GPM6A: variants seen among roughly 807,000 people sequenced by gnomAD.
GPM6A encodes the protein neuronal membrane glycoprotein M6-a.
A neutral mutation model predicts 32.1 loss-of-function variants in GPM6A; 7 were observed. The ratio of observed to expected loss-of-function variants is 0.22; its 90% CI spans 0.12 to 0.41. The LOEUF is 0.41. GPM6A is among the 10% of genes least tolerant of loss of function. The probability of loss-of-function intolerance (pLI) is 1.00; values close to 1 mark genes in which losing one functional copy is unlikely to be tolerated. For synonymous variants in GPM6A, 130 were observed against 123.4 expected, an observed-to-expected ratio of 1.05 and a Z score of -0.35; for missense variants, 235 against 347.2, an observed-to-expected ratio of 0.68 and a Z score of 2.57.
chr4:175,637,713 ATT>A (rs1436525442), intron 6 of GPM6A, among the ~76,000 whole-genome samples: 1 of 2,830 alleles, frequency 3.5e-4, no homozygotes, highest in African/African-American at 1.1e-3. Flanking sequence ...TATTATATAT[ATT>A]TATATATAAT....
intron 1 of GPM6A, among the ~76,000 whole-genome samples, chr4:175,938,437 T>C (rs1000550180): frequency 6.6e-6 from 1 of 152,206 alleles, no homozygotes; most frequent in Non-Finnish European, 1.5e-5. Flanking sequence ...TTTTTAATGA[T>C]CGCCATTCTA....
At chr4:175,931,641 C>T (rs1226925340) in intron 1 of GPM6A, among the ~76,000 whole-genome samples, 2 of 151,028 alleles carry the variant, frequency 1.3e-5, no homozygotes, top group South Asian at 2.1e-4. Flanking sequence ...CTTTAAGAGT[C>T]CATTTCTGAC....
intron 1 of GPM6A, among the ~76,000 whole-genome samples, chr4:175,799,597 T>A (rs922907202): frequency 1.3e-5 from 2 of 151,240 alleles, no homozygotes; most frequent in East Asian, 3.9e-4. Flanking sequence ...AATATTGGAG[T>A]CAAGGAGAAG....
At chr4:175,705,637 G>C (rs927447566) in intron 1 of GPM6A, among the ~76,000 whole-genome samples, 1 of 152,058 alleles carries the variant, frequency 6.6e-6, no homozygotes, top group African/African-American at 2.4e-5. Flanking sequence ...CAGAGCAGCA[G>C]AGTTGTCATA....
At chr4:175,758,520 A>G (rs1560917295) in intron 1 of GPM6A, among the ~76,000 whole-genome samples, 2 of 152,186 alleles carry the variant, frequency 1.3e-5, no homozygotes, top group African/African-American at 2.4e-5. Flanking sequence ...CACTGCCTAA[A>G]TGTGGAGTGT....
chr4:175,726,687 A>G (rs1746426425), intron 1 of GPM6A, among the ~76,000 whole-genome samples: 1 of 152,208 alleles, frequency 6.6e-6, no homozygotes, highest in African/African-American at 2.4e-5. Flanking sequence ...AAAGACACAA[A>G]AACTAAAATG....
intron 1 of GPM6A, among the ~76,000 whole-genome samples, chr4:175,719,332 G>A (rs965443238): frequency 6.6e-6 from 1 of 151,896 alleles, no homozygotes; most frequent in East Asian, 1.9e-4. Context: ...CCGAGTAGCT[G>A]GGACTACAGG....
chr4:175,768,962 G>A (rs1018457979), intron 1 of GPM6A, among the ~76,000 whole-genome samples: 3 of 152,036 alleles, frequency 2.0e-5, no homozygotes, highest in African/African-American at 2.4e-5. Flanking sequence ...GGGCGTGGTG[G>A]TGGGCGCCTG....
chr4:176,002,349 G>A, upstream of GPM6A: 2 of 1,581,578 alleles, frequency 1.3e-6, no homozygotes, highest in African/African-American at 1.3e-5. Context: ...CCCCAGAGGA[G>A]AGCGAGTGAC....
intron 1 of GPM6A, among the ~76,000 whole-genome samples, chr4:175,840,767 T>C (rs1579558172): frequency 6.6e-6 from 1 of 152,262 alleles, no homozygotes; most frequent in East Asian, 1.9e-4. Flanking sequence ...TAATGATAAT[T>C]CAATGATATA....
At chr4:175,944,956 T>A (rs1739541937) in intron 1 of GPM6A, among the ~76,000 whole-genome samples, 1 of 152,166 alleles carries the variant, frequency 6.6e-6, no homozygotes, top group African/African-American at 2.4e-5. Flanking sequence ...TTGTTTTTTG[T>A]TTTTTCGGTC....
intron 1 of GPM6A, among the ~76,000 whole-genome samples, chr4:175,714,787 A>G (rs1430847024): frequency 6.6e-6 from 1 of 152,130 alleles, no homozygotes; most frequent in Non-Finnish European, 1.5e-5. Context: ...TTTAAGAAAT[A>G]TATTACTAAT....
At chr4:175,694,303 G>A (rs540828649) in intron 2 of GPM6A, among the ~76,000 whole-genome samples, 49 of 152,288 alleles carry the variant, frequency 3.2e-4, no homozygotes, top group South Asian at 2.3e-3. Flanking sequence ...ACAGTTTGGA[G>A]GGCTCAGAAG....
chr4:175,658,197 C>A (rs913193760), intron 3 of GPM6A, among the ~76,000 whole-genome samples: 1 of 151,696 alleles, frequency 6.6e-6, no homozygotes, highest in Non-Finnish European at 1.5e-5. Context: ...GATATATAAA[C>A]CCCAGCACAT....
intron 1 of GPM6A, among the ~76,000 whole-genome samples, chr4:175,721,287 T>C (rs1814701): frequency 0.49 from 73,525 of 150,538 alleles, 18,758 homozygotes; most frequent in Non-Finnish European, 0.56. Context: ...ACCAGCCTGG[T>C]CAACATAGTG....
chr4:175,812,124 G>T, intron 1 of GPM6A, 67 bp downstream of exon 1: 3 of 1,215,254 alleles, frequency 2.5e-6, no homozygotes, highest in Non-Finnish European at 2.4e-6. Flanking sequence ...ACTGGCAAGT[G>T]TCTAAAGCAA....
intron 1 of GPM6A, among the ~76,000 whole-genome samples, chr4:175,857,419 A>G (rs1237876409): frequency 2.0e-5 from 3 of 152,182 alleles, no homozygotes; most frequent in African/African-American, 4.8e-5. Flanking sequence ...ATATATAAAC[A>G]TTAAAATATC....
At chr4:175,775,656 G>A (rs187834047) in intron 1 of GPM6A, among the ~76,000 whole-genome samples, 64 of 152,168 alleles carry the variant, frequency 4.2e-4, no homozygotes, top group African/African-American at 1.5e-3. Context: ...TCCCTTAAAG[G>A]ACTACCTATT....
intron 1 of GPM6A, among the ~76,000 whole-genome samples, chr4:175,797,417 A>G (rs1266796190): frequency 6.6e-6 from 1 of 152,138 alleles, no homozygotes; most frequent in Non-Finnish European, 1.5e-5. Context: ...AATACCAGCA[A>G]TGATGTGTGA....
Sources: allele counts gnomAD v4.1 joint callset (sites outside exome capture counted in the v4.1 genomes callset), GRCh38; gene constraint gnomAD v4.1.1; transcripts MANE v1.5; gene names NCBI Gene and HGNC (gene_info 2026-07-23, HGNC 2026-07-21).